The following ARHGEF10 variants were observed in gnomAD, a reference collection of about 807,000 sequenced individuals.
The protein encoded by ARHGEF10 is Rho guanine nucleotide exchange factor 10.
ARHGEF10 carries 140 observed loss-of-function variants against 147.4 expected under a neutral mutation model. The ratio of observed to expected loss-of-function variants is 0.95; its 90% CI spans 0.83 to 1.09. The LOEUF (loss-of-function observed/expected upper bound fraction) is 1.09. ARHGEF10 is among the 50% of genes least tolerant of loss of function. The pLI is 0.00. For synonymous variants in ARHGEF10, 902 were observed against 695.8 expected (o/e 1.30, Z -4.67); for missense variants, 2,222 against 1,752.7 (o/e 1.27, Z -4.78).
At chr8:1,897,361 T>A (rs574849667) in intron 14 of ARHGEF10, among the ~76,000 whole-genome samples, 2 of 152,030 alleles carry the variant, frequency 1.3e-5, no homozygotes, top group Non-Finnish European at 2.9e-5. Context: ...TCTGGACAGC[T>A]GTGAGCTCTG....
chr8:1,905,928 C>T (rs2129178406), intron 17 of ARHGEF10, among the ~76,000 whole-genome samples: 1 of 152,238 alleles, frequency 6.6e-6, no homozygotes, highest in South Asian at 2.1e-4. Flanking sequence ...AGTAGAAGTA[C>T]GTAGAGGTTT....
At position 1,898,475 on chromosome 8, in the gene ARHGEF10, C is replaced by T; in HGVS notation, c.1600C>T (p.Leu534=). 1 of 1,614,172 alleles carries T rather than the reference C, an allele frequency of 6.2e-7. No homozygotes were observed. The highest frequency in any genetic ancestry group is 8.5e-7 in the Non-Finnish European group (1 of 1,180,034). ...CCCCGATCGAACCACGCTCTACAGC[C>T]TGATGATGAAGCCCATCCAGAGGTT... ...ASPDRTTLYS[L]MMKPIQRFPQ... Residue 534 remains leucine (L), a synonymous_variant, in exon 15 of 29, where the codon CTG becomes TTG. Transcript: ENST00000349830.
chr8:1,885,727 C>A lies in ARHGEF10; in HGVS notation c.1182+20C>A, dbSNP rs1563229575. Reference sequence around the variant, plus strand: ...CAGCAGGTGAGATGAGCAGAGCTGACAGGGGCTGTTGACCAGCAGAGCTGT... The same window carrying A: ...CAGCAGGTGAGATGAGCAGAGCTGAAAGGGGCTGTTGACCAGCAGAGCTGT... On this transcript the variant is annotated intron_variant, in intron 11 of 28. Transcript: ENST00000349830. 6.4e-7 allele frequency: 1 copy of A among 1,557,914 alleles called. No homozygotes were observed. The highest frequency in any genetic ancestry group is 1.1e-5 in the South Asian group (1 of 89,960).
intron 18 of ARHGEF10, among the ~76,000 whole-genome samples, chr8:1,910,464 G>A (rs1312941635): frequency 1.2e-4 from 19 of 152,122 alleles, no homozygotes. Context: ...ATTACAATTT[G>A]TAATCTCTTA....
At position 1,923,909 on chromosome 8, in the gene ARHGEF10, G is replaced by A. The variant is rs1309367135; in HGVS notation, c.2488+35G>A. ...GGCTGGCTGAGGCTGAATGAGGCAT[G>A]CGGCGTGATGATGAATTCCTGCCCA... On this transcript the variant is annotated intron_variant, in intron 21 of 28. Coordinates refer to ENST00000349830, the MANE Select transcript of ARHGEF10 (RefSeq NM_014629.4). The A allele has an allele frequency of 1.9e-6, 3 of 1,594,984 alleles. No homozygotes were observed. In the African/African-American group the frequency reaches 4.0e-5, roughly 21 times the overall value.
At chr8:1,870,340 G>A (rs939038712) in intron 7 of ARHGEF10, 1 of 147,976 alleles carries the variant, frequency 6.8e-6, no homozygotes, top group Non-Finnish European at 1.5e-5. Context: ...GAAACCAGTA[G>A]TGCAAAACCC....
In ARHGEF10 at chr8:1,859,891, C is replaced by G; in HGVS notation, c.194-6C>G. ...GTCTGCTGACAAGTCCTTTCTGCATCCCCAGGAGGTGAGGATGGAGCTGGA... is the reference window on the plus strand; with the variant it reads ...GTCTGCTGACAAGTCCTTTCTGCATGCCCAGGAGGTGAGGATGGAGCTGGA... On this transcript the variant is annotated splice_polypyrimidine_tract_variant and splice_region_variant and intron_variant, in intron 3 of 28. Transcript: ENST00000349830. The G allele has an allele frequency of 6.2e-7, 1 of 1,612,358 alleles. No individual in the cohort carries two copies.
Position 1,946,256 on chromosome 8 carries a change from GCT to G in ARHGEF10, c.3397+602_3397+603del, listed in dbSNP as rs370896306. 5.8e-3 allele frequency among the ~76,000 whole-genome samples: 881 copies of G among 152,342 alleles called. 12 individuals are homozygous for G. The highest frequency in any genetic ancestry group is 0.02 in the African/African-American group (845 of 41,576). ...AGGCCGCTGTGGGGTCCGTGGAAGG[GCT>G]GTTTTGCTTCTTTGCCTGCTGGTGG... On this transcript the variant is annotated intron_variant, in intron 27 of 28. Coordinates refer to ENST00000349830, the MANE Select transcript of ARHGEF10 (RefSeq NM_014629.4).
At chr8:1,863,141 C>A (rs1265684618) in intron 4 of ARHGEF10, among the ~76,000 whole-genome samples, 1 of 152,112 alleles carries the variant, frequency 6.6e-6, no homozygotes, top group East Asian at 1.9e-4. Context: ...GTTTTTGGAG[C>A]AGGCAGATTG....
At chr8:1,924,060 G>C (rs1165233524) in intron 21 of ARHGEF10, among the ~76,000 whole-genome samples, 186 bp downstream of exon 21, 1 of 152,228 alleles carries the variant, frequency 6.6e-6, no homozygotes, top group Non-Finnish European at 1.5e-5. Context: ...TATTAAAATA[G>C]AGGGATCGCA....
chr8:1,896,695 C>T (rs549319763), intron 14 of ARHGEF10, among the ~76,000 whole-genome samples: 9 of 152,166 alleles, frequency 5.9e-5, no homozygotes, highest in Non-Finnish European at 1.2e-4. Context: ...AATCAGATCC[C>T]CAAAAAAGAA....
At chr8:1,946,876 A>G (rs937121013) in intron 27 of ARHGEF10, among the ~76,000 whole-genome samples, 2 of 152,106 alleles carry the variant, frequency 1.3e-5, no homozygotes, top group African/African-American at 4.8e-5. Context: ...GGGTGAATAT[A>G]TTCGGTGCAC....
intron 16 of ARHGEF10, among the ~76,000 whole-genome samples, chr8:1,904,949 C>T (rs531071672): frequency 2.0e-5 from 3 of 152,180 alleles, no homozygotes; most frequent in South Asian, 2.1e-4. Flanking sequence ...GACAAAACCC[C>T]GTCTCTACTA....
At chr8:1,853,127 C>T (rs1350067307) in intron 2 of ARHGEF10, among the ~76,000 whole-genome samples, 5 of 152,150 alleles carry the variant, frequency 3.3e-5, no homozygotes, top group South Asian at 2.1e-4. Context: ...TGGGTCGGCA[C>T]GGGCTGCACT....
chr8:1,856,170 C>T lies in ARHGEF10; in HGVS notation c.38-1790C>T, dbSNP rs1805538305. Among the ~76,000 whole-genome samples, 6 of 152,274 alleles carry T rather than the reference C, an allele frequency of 3.9e-5. No individual in the cohort carries two copies. In the South Asian group the frequency reaches 1.2e-3, roughly 32 times the overall value. Reference sequence around the variant, plus strand: ...TCTGGGCAGAGCAGAGTTCACCATCCAGAAGGACAGCAACACACACTCCTA... The same window carrying T: ...TCTGGGCAGAGCAGAGTTCACCATCTAGAAGGACAGCAACACACACTCCTA... On this transcript the variant is annotated intron_variant, in intron 2 of 28. Transcript: ENST00000349830.
chr8:1,928,005 A>G (rs1211418875), intron 23 of ARHGEF10, among the ~76,000 whole-genome samples: 2 of 152,176 alleles, frequency 1.3e-5, no homozygotes, highest in Non-Finnish European at 2.9e-5. Flanking sequence ...GCTACTTGGG[A>G]TGCATTCTTA....
intron 1 of ARHGEF10, among the ~76,000 whole-genome samples, chr8:1,829,403 C>G (rs1462393362): frequency 6.6e-6 from 1 of 152,232 alleles, no homozygotes; most frequent in African/African-American, 2.4e-5. Flanking sequence ...GTGGGCCGGG[C>G]CAGCTTGAAG....
chr8:1,951,386 C>G (rs1227885585), intron 27 of ARHGEF10, among the ~76,000 whole-genome samples: 1 of 152,250 alleles, frequency 6.6e-6, no homozygotes, highest in African/African-American at 2.4e-5. Context: ...CTGACCAAGT[C>G]ACGCCGACCA....
intron 4 of ARHGEF10, among the ~76,000 whole-genome samples, chr8:1,861,071 G>A (rs1357253224): frequency 2.6e-5 from 4 of 152,202 alleles, no homozygotes; most frequent in African/African-American, 4.8e-5. Context: ...TGCTCCGAGC[G>A]AGGACTGTGG....
Sources: gnomAD v4.1 joint callset for allele counts (sites outside exome capture counted in the v4.1 genomes callset) on GRCh38, gnomAD v4.1.1 for gene constraint, MANE v1.5 for transcripts, NCBI Gene and HGNC (gene_info 2026-07-23, HGNC 2026-07-21) for gene names.